CCDC171: variants seen among roughly 807,000 people sequenced by gnomAD.
The protein encoded by CCDC171 is coiled-coil domain containing 171, also known as coiled-coil domain-containing protein 171.
A neutral mutation model predicts 168.2 loss-of-function variants in CCDC171; 177 were observed. The ratio of observed to expected loss-of-function variants is 1.05; its 90% CI spans 0.93 to 1.19. The LOEUF (loss-of-function observed/expected upper bound fraction) is 1.19, where lower values mean the gene tolerates loss of function less well. Among genes scored for constraint, CCDC171 ranks in the 50% most tolerant of loss-of-function variants. The pLI is 0.00. For missense variants in CCDC171, 1,991 were observed against 1,539.0 expected (o/e 1.29, Z -4.91); for synonymous variants, 687 against 540.8 (o/e 1.27, Z -3.75).
chr9:16,033,797 A>C (rs1019309319), intron 6 of CCDC171, among the ~76,000 whole-genome samples: 1 of 151,994 alleles, frequency 6.6e-6, no homozygotes, highest in Non-Finnish European at 1.5e-5. Flanking sequence ...CTTCCTGAGA[A>C]AGAGGAAACC....
intron 24 of CCDC171, chr9:15,875,692 G>A (rs916286078): frequency 6.6e-6 from 1 of 151,924 alleles, no homozygotes; most frequent in African/African-American, 2.4e-5. Context: ...GTCAGTGTGT[G>A]TGTGGAGCAA....
intron 6 of CCDC171, among the ~76,000 whole-genome samples, chr9:15,596,500 C>A (rs2042372026): frequency 6.6e-6 from 1 of 152,148 alleles, no homozygotes; most frequent in African/African-American, 2.4e-5. Context: ...TTCCATTGGT[C>A]TATATCTCTA....
intron 1 of CCDC171, among the ~76,000 whole-genome samples, chr9:16,053,725 G>C (rs1266659822): frequency 6.6e-6 from 1 of 152,228 alleles, no homozygotes; most frequent in Admixed American, 6.5e-5. Flanking sequence ...GAAAGCTCCT[G>C]ATGTGAGTCT....
chr9:15,872,576 GA>G (rs1445259004), intron 23 of CCDC171, among the ~76,000 whole-genome samples: 1 of 151,872 alleles, frequency 6.6e-6, no homozygotes, highest in African/African-American at 2.4e-5. Flanking sequence ...TTTTGTCACA[GA>G]AAAAAGAGAA....
chr9:15,937,937 A>T (rs1428797311), intron 25 of CCDC171, among the ~76,000 whole-genome samples: 2 of 151,886 alleles, frequency 1.3e-5, no homozygotes, highest in African/African-American at 2.4e-5. Flanking sequence ...TGGATGGGTG[A>T]AGAGATGGGT....
At chr9:15,758,170 C>G (rs1056745583) in intron 18 of CCDC171, among the ~76,000 whole-genome samples, 4 of 152,210 alleles carry the variant, frequency 2.6e-5, no homozygotes, top group Admixed American at 2.6e-4. Context: ...CACAGACACT[C>G]AATGCCAGCC....
chr9:15,708,363 T>C (rs998774149), intron 11 of CCDC171, among the ~76,000 whole-genome samples: 1 of 152,152 alleles, frequency 6.6e-6, no homozygotes, highest in African/African-American at 2.4e-5. Flanking sequence ...ACGTAGTCAA[T>C]AGAACTGGAA....
chr9:15,623,328 T>C lies in CCDC171; in HGVS notation c.737T>C (p.Met246Thr), dbSNP rs765588024. Residue 246 changes from methionine to threonine, a missense_variant, in exon 7 of 26, where the codon ATG (methionine) becomes ACG (threonine). Coordinates refer to ENST00000380701, the MANE Select transcript of CCDC171 (RefSeq NM_173550.4). ...KKVEKLETEHMDCSDLLRRQT... is the reference protein window; with the variant it reads ...KKVEKLETEHTDCSDLLRRQT... ...GTAGAAAAATTAGAAACAGAACATA[T>C]GGACTGCTCTGACCTTTTACGGCGA... 24 of 1,609,044 alleles carry C rather than the reference T, an allele frequency of 1.5e-5. No individual in the cohort carries two copies. The highest frequency in any genetic ancestry group is 4.4e-5 in the South Asian group (4 of 90,374).
chr9:15,596,135 G>A (rs1295400226), intron 6 of CCDC171, among the ~76,000 whole-genome samples: 1 of 152,112 alleles, frequency 6.6e-6, no homozygotes, highest in Non-Finnish European at 1.5e-5. Flanking sequence ...CTGTGTAGGA[G>A]CTCTTTAGTT....
chr9:15,673,443 C>T (rs10115770), intron 9 of CCDC171, among the ~76,000 whole-genome samples: 1,741 of 152,236 alleles, frequency 0.011, 31 homozygotes, highest in African/African-American at 0.039. Context: ...AAAGGGAATG[C>T]TTCCAGTTTT....
rs764914792 is a variant in CCDC171, at chr9:15,657,136, C to G, written c.832C>G (p.Leu278Val). Residue 278 changes from leucine to valine, a missense_variant, in exon 8 of 26, where the codon CTA (leucine) becomes GTA (valine). By Grantham distance (32) the Leu-to-Val change is conservative (BLOSUM62 1). Coordinates refer to ENST00000380701, the MANE Select transcript of CCDC171 (RefSeq NM_173550.4). ...TTTAATTTGTTTTCAGGCAACTACTCTAAGAGTGAGGAAATTAGAAGAAAA... is the reference window on the plus strand; with the variant it reads ...TTTAATTTGTTTTCAGGCAACTACTGTAAGAGTGAGGAAATTAGAAGAAAA... The part of the protein sequence containing the change: ...RLRKEFEATT[L>V]RVRKLEENIE... The G allele has an allele frequency of 6.2e-7, 1 of 1,602,170 alleles. No individual in the cohort carries two copies. Among genetic ancestry groups the G allele is most frequent in the Non-Finnish European group, 8.5e-7 (1 of 1,172,622 alleles).
chr9:15,957,341 C>G (rs934330972), intron 25 of CCDC171, among the ~76,000 whole-genome samples: 1 of 152,172 alleles, frequency 6.6e-6, no homozygotes, highest in African/African-American at 2.4e-5. Context: ...GAAAGCCAGT[C>G]AAGTGTGGCT....
In CCDC171 at chr9:15,578,836, A is replaced by C; in HGVS notation, c.178-13A>C. The C allele has an allele frequency of 1.2e-6, 2 of 1,606,562 alleles. No individual in the cohort carries two copies. The highest frequency in any genetic ancestry group is 1.7e-6 in the Non-Finnish European group (2 of 1,175,712). Reference sequence around the variant, plus strand: ...TCTTTGGACACATGTTGATATCAGGAATCTGTTTTTAGCTGGCAAGCTATG... The same window carrying C: ...TCTTTGGACACATGTTGATATCAGGCATCTGTTTTTAGCTGGCAAGCTATG... On this transcript the variant is annotated splice_polypyrimidine_tract_variant and intron_variant, in intron 3 of 25. Transcript: ENST00000380701.
At chr9:15,885,138 A>G (rs1299057301) in intron 24 of CCDC171, among the ~76,000 whole-genome samples, 7 of 152,154 alleles carry the variant, frequency 4.6e-5, no homozygotes, top group Non-Finnish European at 7.3e-5. Context: ...TAATTTTGGG[A>G]TGATTTCAAA....
intron 11 of CCDC171, among the ~76,000 whole-genome samples, chr9:15,712,859 G>A (rs982189598): frequency 1.1e-4 from 16 of 152,156 alleles, no homozygotes; most frequent in African/African-American, 2.9e-4. Flanking sequence ...TGTCCTTGCT[G>A]CTATGACTCT....
chr9:15,940,981 C>G (rs1269685465), intron 25 of CCDC171, among the ~76,000 whole-genome samples: 1 of 151,930 alleles, frequency 6.6e-6, no homozygotes, highest in Admixed American at 6.6e-5. Context: ...GGAGATTGGA[C>G]TAGATAATCT....
At chr9:15,738,873 T>C (rs2054662367) in intron 16 of CCDC171, among the ~76,000 whole-genome samples, 1 of 152,190 alleles carries the variant, frequency 6.6e-6, no homozygotes, top group South Asian at 2.1e-4. Flanking sequence ...TTTCATTAAT[T>C]GGGCATTTAT....
rs140218752 is a variant in CCDC171 at position 15,575,728 on chromosome 9, G to C, written c.178-3121G>C. 5.4e-4 allele frequency among the ~76,000 whole-genome samples: 83 copies of C among 152,332 alleles called. 2 individuals carry two copies. The East Asian group carries it at 7.9e-3, about 14-fold the overall frequency. ...ACCCAGCCAGTCCTCCTTTTAACAA[G>C]TCATAGTAGTGTTAGCAGCACTTTT... On this transcript the variant is annotated intron_variant, in intron 3 of 25. Coordinates refer to ENST00000380701, the MANE Select transcript of CCDC171 (RefSeq NM_173550.4).
At chr9:15,570,032 G>A (rs1361151483) in intron 2 of CCDC171, among the ~76,000 whole-genome samples, 4 of 151,986 alleles carry the variant, frequency 2.6e-5, no homozygotes, top group Non-Finnish European at 5.9e-5. Flanking sequence ...GTTCAAAGGT[G>A]TGATCTCTGC....
Sources: gnomAD v4.1 joint callset for allele counts (sites outside exome capture counted in the v4.1 genomes callset) on GRCh38, gnomAD v4.1.1 for gene constraint, MANE v1.5 for transcripts, NCBI Gene and HGNC (gene_info 2026-07-23, HGNC 2026-07-21) for gene names.